Variants in DIP2C observed in about 807,000 individuals in gnomAD.
DIP2C encodes disco-interacting protein 2 homolog C.
A neutral mutation model predicts 192.4 loss-of-function variants in DIP2C; 33 were observed. The observed-to-expected ratio is 0.17, with a 90% CI of 0.13 to 0.23. DIP2C has a LOEUF of 0.23. Ranked by LOEUF, DIP2C falls within the 10% of genes least tolerant of loss-of-function variation. DIP2C has a pLI of 1.00. For synonymous variants in DIP2C, 979 were observed against 864.1 expected, an observed-to-expected ratio of 1.13 and a Z score of -2.33; for missense variants, 1,537 against 2,110.1, an observed-to-expected ratio of 0.73 and a Z score of 5.32.
chr10:616,327 T>C (rs905549593), intron 1 of DIP2C, among the ~76,000 whole-genome samples: 4 of 152,262 alleles, frequency 2.6e-5, no homozygotes, highest in African/African-American at 9.6e-5. Context: ...AATCTGTGTT[T>C]ATTGTCCATA....
chr10:642,945 T>G (rs1002015537), intron 1 of DIP2C, among the ~76,000 whole-genome samples: 2 of 152,198 alleles, frequency 1.3e-5, no homozygotes, highest in African/African-American at 4.8e-5. Flanking sequence ...GGCCCACACC[T>G]GTAATCTCAG....
intron 1 of DIP2C, chr10:662,902 G>A (rs574089943): frequency 1.9e-4 from 136 of 717,424 alleles, no homozygotes; most frequent in Non-Finnish European, 3.0e-4. Context: ...GAAGAGGCGT[G>A]AACACTCTCG....
Position 274,269 on chromosome 10 carries a change from T to C in DIP2C, c.*3056A>G, listed in dbSNP as rs1954405571. The C allele has an allele frequency of 6.6e-6, 1 of 152,232 alleles. No individual in the cohort carries two copies. The highest frequency in any genetic ancestry group is 1.5e-5 in the Non-Finnish European group (1 of 68,032). The allele number at this position is 152,232 out of a possible 1,614,324, so 9.4% of individuals were successfully genotyped here. ...ACATTTCACAAAACATTTGTTGCCA[T>C]AGGAATTATTTTTAGCAATAAATGC... On this transcript the variant is annotated 3_prime_UTR_variant, in exon 37 of 37. Coordinates refer to ENST00000280886, the MANE Select transcript of DIP2C (RefSeq NM_014974.3).
intron 1 of DIP2C, among the ~76,000 whole-genome samples, chr10:531,371 G>A (rs1847362066): frequency 6.6e-6 from 1 of 151,982 alleles, no homozygotes; most frequent in South Asian, 2.1e-4. Context: ...CCTGAGGGGC[G>A]TGTGCTTACA....
intron 1 of DIP2C, among the ~76,000 whole-genome samples, chr10:532,524 TGTGTGAGAGAGTATGG>T (rs72039274): frequency 0.026 from 3,769 of 147,642 alleles, 279 homozygotes; most frequent in African/African-American, 0.036. Flanking sequence ...TTTGTGTGGG[TGTGTGAGAGAGTATGG>T]GTGTGAGAGA....
intron 3 of DIP2C, among the ~76,000 whole-genome samples, chr10:454,272 G>A (rs1321862630): frequency 6.6e-6 from 1 of 151,640 alleles, no homozygotes; most frequent in African/African-American, 2.4e-5. Context: ...TGCTAGTGAA[G>A]AGTTTGTTGG....
chr10:555,086 C>G (rs1348168828), intron 1 of DIP2C, among the ~76,000 whole-genome samples: 2 of 152,072 alleles, frequency 1.3e-5, no homozygotes, highest in African/African-American at 4.8e-5. Flanking sequence ...AATTCTAATT[C>G]CAACAAAGAA....
chr10:374,180 CAAATAT>C (rs1402897250), intron 17 of DIP2C, among the ~76,000 whole-genome samples: 1 of 152,128 alleles, frequency 6.6e-6, no homozygotes, highest in Non-Finnish European at 1.5e-5. Context: ...TTTAGTAATA[CAAATAT>C]AAGATCATAT....
chr10:497,978 C>A (rs1844963819), intron 1 of DIP2C, among the ~76,000 whole-genome samples: 1 of 152,122 alleles, frequency 6.6e-6, no homozygotes, highest in African/African-American at 2.4e-5. Context: ...GCCAAGTGAT[C>A]CTCCCACCTC....
intron 1 of DIP2C, among the ~76,000 whole-genome samples, chr10:558,597 C>T (rs1466227891): frequency 3.9e-5 from 6 of 152,038 alleles, no homozygotes; most frequent in African/African-American, 4.8e-5. Context: ...GGCCCACCAT[C>T]GCGTCTCGGG....
At chr10:417,979 T>C (rs76202612) in intron 6 of DIP2C, among the ~76,000 whole-genome samples, 1,223 of 34,314 alleles carry the variant, frequency 0.036, 98 homozygotes, top group Admixed American at 0.057. Flanking sequence ...AGGGCTCGGA[T>C]AGGCCTCCCT....
At chr10:619,574 C>T (rs374772845) in intron 1 of DIP2C, among the ~76,000 whole-genome samples, 3 of 145,978 alleles carry the variant, frequency 2.1e-5, no homozygotes, top group African/African-American at 5.1e-5. Flanking sequence ...CACTCCCGTG[C>T]GAGCTAATAT....
At chr10:278,007 T>TGAGGGCCGTGCGTGCGGAGGCC (rs1954607395) in intron 36 of DIP2C, among the ~76,000 whole-genome samples, 1 of 152,236 alleles carries the variant, frequency 6.6e-6, no homozygotes, top group Non-Finnish European at 1.5e-5. Context: ...GCTCTGCTGC[T>TGAGGGCCGTGCGTGCGGAGGCC]GAGGGCCGTG....
intron 6 of DIP2C, among the ~76,000 whole-genome samples, chr10:416,688 G>A (rs6560839): frequency 0.98 from 149,984 of 152,296 alleles, 73,889 homozygotes; most frequent in Middle Eastern, 1. Context: ...AAAGAGTCAA[G>A]GTTTTCAAAT....
chr10:357,677 C>T, intron 23 of DIP2C, 151 bp downstream of exon 23: 1 of 542,954 alleles, frequency 1.8e-6, no homozygotes, highest in Non-Finnish European at 3.2e-6. Context: ...AAGTCGGGGA[C>T]TGTCGGGGAC....
At chr10:311,355 C>A (rs1009825976) in intron 31 of DIP2C, among the ~76,000 whole-genome samples, 1 of 152,234 alleles carries the variant, frequency 6.6e-6, no homozygotes, top group African/African-American at 2.4e-5. Context: ...GGGAAGACAG[C>A]GTCGGCTACG....
In DIP2C at chr10:545,166, C is replaced by CCTTTTTTTTTTTT. The variant is rs1554896881; in HGVS notation, c.86-58637_86-58636insAAAAAAAAAAAAG. ...TGATCCAACATGACTGGTGTTTTCC[C>CCTTTTTTTTTTTT]TTTTTTTTTTTTTTTTTTTTTTTGA... On this transcript the variant is annotated intron_variant, in intron 1 of 36. Coordinates refer to ENST00000280886, the MANE Select transcript of DIP2C (RefSeq NM_014974.3). 6.0e-3 allele frequency among the ~76,000 whole-genome samples: 520 copies of CCTTTTTTTTTTTT among 86,368 alleles called. 20 individuals are homozygous for CCTTTTTTTTTTTT. The highest frequency in any genetic ancestry group is 0.016 in the Middle Eastern group (2 of 122). 56.7% of individuals were successfully genotyped at this position (86,368 alleles called of 152,430 possible).
intron 1 of DIP2C, among the ~76,000 whole-genome samples, chr10:682,965 C>G (rs1280697901): frequency 1.3e-5 from 2 of 152,226 alleles, no homozygotes; most frequent in Non-Finnish European, 2.9e-5. Flanking sequence ...CCTCTCTACC[C>G]TGGACAGTGT....
chr10:439,382 C>CTAGCACGGCATTCACTCCCT (rs1163503917), intron 4 of DIP2C, among the ~76,000 whole-genome samples: 2 of 117,148 alleles, frequency 1.7e-5, no homozygotes, highest in African/African-American at 7.2e-5. Context: ...CCCGCTGGCA[C>CTAGCACGGCATTCACTCCCT]TGTGTTCTTT....
Sources: allele counts gnomAD v4.1 joint callset (sites outside exome capture counted in the v4.1 genomes callset), GRCh38; gene constraint gnomAD v4.1.1; transcripts MANE v1.5; gene names NCBI Gene and HGNC (gene_info 2026-07-23, HGNC 2026-07-21).